ERICH5: variants seen among roughly 807,000 people sequenced by gnomAD.
The protein encoded by ERICH5 is glutamate rich 5, also known as glutamate-rich protein 5.
Under a neutral mutation model 28.0 loss-of-function variants are expected in ERICH5, and 24 were observed. The observed-to-expected ratio is 0.86, with a 90% CI of 0.62 to 1.21. The LOEUF is 1.21. Ranked by LOEUF, ERICH5 falls within the 50% of genes most tolerant of loss-of-function variation. The probability of loss-of-function intolerance (pLI) is 0.00; values close to 1 mark genes in which losing one functional copy is unlikely to be tolerated. For synonymous variants in ERICH5, 163 were observed against 157.6 expected, an observed-to-expected ratio of 1.03 and a Z score of -0.25; for missense variants, 421 against 441.2, an observed-to-expected ratio of 0.95 and a Z score of 0.41.
At chr8:98,075,960 A>AACATAGACACAGTGAC (rs1815045351) in intron 1 of ERICH5, among the ~76,000 whole-genome samples, 1 of 151,434 alleles carries the variant, frequency 6.6e-6, no homozygotes, top group Admixed American at 6.6e-5. Flanking sequence ...GACAGAGTGA[A>AACATAGACACAGTGAC]ACATAGACAC....
At chr8:98,077,246 C>T (rs1815073380) in intron 1 of ERICH5, among the ~76,000 whole-genome samples, 1 of 152,184 alleles carries the variant, frequency 6.6e-6, no homozygotes, top group African/African-American at 2.4e-5. Context: ...CACTGTTCCC[C>T]TTCCCAGAGG....
At chr8:98,087,678 C>T (rs1815306821) in intron 1 of ERICH5, among the ~76,000 whole-genome samples, 1 of 151,456 alleles carries the variant, frequency 6.6e-6, no homozygotes, top group Non-Finnish European at 1.5e-5. Flanking sequence ...AAATTGATAG[C>T]TAACTTGTTG....
intron 1 of ERICH5, among the ~76,000 whole-genome samples, chr8:98,070,991 C>T (rs1187040771): frequency 6.6e-6 from 1 of 152,132 alleles, no homozygotes; most frequent in Non-Finnish European, 1.5e-5. Flanking sequence ...GGGCTGAGTG[C>T]AGTGGCTCAT....
At chr8:98,086,508 C>T (rs549050330) in intron 1 of ERICH5, among the ~76,000 whole-genome samples, 7 of 152,022 alleles carry the variant, frequency 4.6e-5, no homozygotes, top group South Asian at 2.1e-4. Context: ...ATTATTAACT[C>T]GGGGAAAAAT....
chr8:98,082,645 CAAAA>C (rs34955015), intron 1 of ERICH5, among the ~76,000 whole-genome samples: 1 of 127,894 alleles, frequency 7.8e-6, no homozygotes. Flanking sequence ...AACTCCATCT[CAAAA>C]AAAAAAAAAA....
In ERICH5 at chr8:98,089,711, G is replaced by A. The variant is rs1489576815; in HGVS notation, c.694G>A (p.Glu232Lys). ...SKENESPEIL[E>K]GSQFVETAEE... ...AGAGAATGAATCTCCAGAAATATTG[G>A]AAGGAAGTCAGTTTGTGGAAACAGC... The change falls in exon 2 of 3, where the codon GAA (glutamate) becomes AAA (lysine). Residue 232 changes from glutamate to lysine, a missense_variant. Coordinates refer to ENST00000318528, the MANE Select transcript of ERICH5 (RefSeq NM_173549.3). 6.2e-7 allele frequency: 1 copy of A among 1,614,144 alleles called. No homozygotes were observed. Among genetic ancestry groups the A allele is most frequent in the Non-Finnish European group, 8.5e-7 (1 of 1,180,024 alleles).
Position 98,078,178 on chromosome 8 carries a change from G to A in ERICH5, c.59-10898G>A, listed in dbSNP as rs114679728. Among the ~76,000 whole-genome samples, 909 of 152,304 alleles carry A rather than the reference G, an allele frequency of 6.0e-3. 6 individuals carry two copies. The highest frequency in any genetic ancestry group is 0.019 in the African/African-American group (794 of 41,566). ...TGTGCCATGGCACAGAAGAGTGTTC[G>A]TACATGCTTTGATGTGGGAAAAGGG... On this transcript the variant is annotated intron_variant, in intron 1 of 2. Transcript: ENST00000318528.
intron 1 of ERICH5, among the ~76,000 whole-genome samples, chr8:98,066,707 G>A (rs759644928): frequency 2.6e-5 from 4 of 152,254 alleles, no homozygotes; most frequent in Admixed American, 1.3e-4. Flanking sequence ...CAACACACAC[G>A]TTGAATCAAT....
intron 1 of ERICH5, among the ~76,000 whole-genome samples, chr8:98,068,587 C>T (rs1397038852): frequency 6.6e-6 from 1 of 152,148 alleles, no homozygotes; most frequent in Admixed American, 6.6e-5. Context: ...GCAATCTGAA[C>T]ACAAAGGTTT....
Position 98,093,363 on chromosome 8 carries a change from T to C in ERICH5, c.*30T>C, listed in dbSNP as rs1417092151. ...AAGAGTGAACCGACACAGTGTGTTATCATAGAGGAGACAAAAATGGTAGTG... is the reference window on the plus strand; with the variant it reads ...AAGAGTGAACCGACACAGTGTGTTACCATAGAGGAGACAAAAATGGTAGTG... On this transcript the variant is annotated 3_prime_UTR_variant, in exon 3 of 3. Coordinates refer to ENST00000318528, the MANE Select transcript of ERICH5 (RefSeq NM_173549.3). The C allele has an allele frequency of 1.3e-6, 2 of 1,499,184 alleles. No individual in the cohort carries two copies. The highest frequency in any genetic ancestry group is 1.8e-5 in the Admixed American group (1 of 55,348). 92.9% of individuals were successfully genotyped at this position (1,499,184 alleles called of 1,614,324 possible).
At chr8:98,091,838 TTCTTTCTTTCTTTCTTTC>T (rs1563759381) in intron 2 of ERICH5, among the ~76,000 whole-genome samples, 4 of 52,096 alleles carry the variant, frequency 7.7e-5, no homozygotes, top group Admixed American at 2.0e-4. Context: ...CTTTTTCTTT[TTCTTTCTTTCTTTCTTTC>T]TTTCTTTCTT....
intron 1 of ERICH5, among the ~76,000 whole-genome samples, chr8:98,067,912 A>G (rs950397305): frequency 6.6e-6 from 1 of 152,274 alleles, no homozygotes; most frequent in East Asian, 1.9e-4. Context: ...CCTATACTAT[A>G]TATATTATTT....
At chr8:98,081,754 C>T (rs866074163) in intron 1 of ERICH5, among the ~76,000 whole-genome samples, 1 of 151,822 alleles carries the variant, frequency 6.6e-6, no homozygotes, top group Middle Eastern at 3.2e-3. Flanking sequence ...ATGGAGAAAC[C>T]CCCATCTCTA....
chr8:98,089,053 C>T (rs759857004), intron 1 of ERICH5, 23 bp from the exon 2 acceptor site: 1 of 1,536,064 alleles, frequency 6.5e-7, no homozygotes, highest in Non-Finnish European at 8.8e-7. Context: ...TTTTCTTTTT[C>T]TTTTTCAAAT....
rs1460589527 is a variant in ERICH5 at position 98,089,523 on chromosome 8, C to G, written c.506C>G (p.Ser169Cys). The G allele has an allele frequency of 1.2e-6, 2 of 1,614,212 alleles. No individual in the cohort carries two copies. The highest frequency in any genetic ancestry group is 1.1e-5 in the South Asian group (1 of 91,084). Reference sequence around the variant, plus strand: ...TTGCAGGCAGCAGTAGAGAAGGACTCTCTCAGAGCAGTGGAGGTCACTGAG... The same window carrying G: ...TTGCAGGCAGCAGTAGAGAAGGACTGTCTCAGAGCAGTGGAGGTCACTGAG... Reference protein sequence around the residue: ...QPLQAAVEKDSLRAVEVTENP... With the variant: ...QPLQAAVEKDCLRAVEVTENP... The change falls in exon 2 of 3, where the codon TCT becomes TGT. Residue 169 changes from serine to cysteine, a missense_variant. Physicochemically the swap from Ser to Cys is moderately radical, Grantham distance 112. Coordinates refer to ENST00000318528, the MANE Select transcript of ERICH5 (RefSeq NM_173549.3).
At chr8:98,086,935 A>T (rs1179223540) in intron 1 of ERICH5, among the ~76,000 whole-genome samples, 2 of 145,766 alleles carry the variant, frequency 1.4e-5, no homozygotes, top group African/African-American at 5.2e-5. Flanking sequence ...TGGGCAACAG[A>T]GCAAGACTCC....
chr8:98,089,617 T>A lies in ERICH5; in HGVS notation c.600T>A (p.Ala200=), dbSNP rs1191836113. 6.2e-7 allele frequency: 1 copy of A among 1,613,996 alleles called. No homozygotes were observed. The highest frequency in any genetic ancestry group is 1.7e-5 in the Admixed American group (1 of 59,998). ...AGAACGTTCTGACTCTGCAAATAGCTGGAGAGCTACAACCTCAGGGCACAG... is the reference window on the plus strand; with the variant it reads ...AGAACGTTCTGACTCTGCAAATAGCAGGAGAGCTACAACCTCAGGGCACAG... The part of the protein sequence containing the change: ...TTENVLTLQI[A]GELQPQGTVG... Residue 200 remains alanine, a synonymous_variant, in exon 2 of 3, where the codon GCT becomes GCA. Transcript: ENST00000318528.
At chr8:98,083,834 T>A (rs1314579065) in intron 1 of ERICH5, among the ~76,000 whole-genome samples, 2 of 152,062 alleles carry the variant, frequency 1.3e-5, no homozygotes, top group African/African-American at 4.8e-5. Flanking sequence ...GCCTGAGCAA[T>A]TCATGTGTCT....
intron 2 of ERICH5, among the ~76,000 whole-genome samples, chr8:98,091,921 C>CTT (rs1563759644): frequency 7.3e-5 from 4 of 54,622 alleles, no homozygotes; most frequent in African/African-American, 3.0e-4. Context: ...TTCTTTCTTC[C>CTT]TTTCTTTCTT....
Sources: allele counts gnomAD v4.1 joint callset (sites outside exome capture counted in the v4.1 genomes callset), GRCh38; gene constraint gnomAD v4.1.1; transcripts MANE v1.5; gene names NCBI Gene and HGNC (gene_info 2026-07-23, HGNC 2026-07-21).